Variants in CIITA observed in about 807,000 individuals in gnomAD.
The protein encoded by CIITA is class II major histocompatibility complex transactivator, also known as MHC class II transactivator.
Under a neutral mutation model 115.1 loss-of-function variants are expected in CIITA, and 72 were observed. The observed-to-expected ratio is 0.63, with a 90% CI of 0.52 to 0.76. The LOEUF (loss-of-function observed/expected upper bound fraction) is 0.76. Among genes scored for constraint, CIITA ranks in the 30% least tolerant of loss-of-function variants. CIITA has a pLI of 0.00. For synonymous variants in CIITA, 763 were observed against 635.6 expected (o/e 1.20, Z -3.02); for missense variants, 1,617 against 1,463.8 (o/e 1.10, Z -1.71).
chr16:10,874,848 C>A (rs2035721449), upstream of CIITA, among the ~76,000 whole-genome samples: 3 of 152,216 alleles, frequency 2.0e-5, no homozygotes, highest in Admixed American at 2.0e-4. Flanking sequence ...GACATCAGAA[C>A]CAGCTGTCTC....
chr16:10,940,488 C>T (rs754532970), downstream of CIITA: 1 of 152,258 alleles, frequency 6.6e-6, no homozygotes, highest in African/African-American at 2.4e-5. The surrounding 1 kb of genome is among the most constrained non-coding windows in gnomAD (Gnocchi z 4.2). Context: ...AGCCCTTGCC[C>T]ACCATATCTC....
intron 12 of CIITA, among the ~76,000 whole-genome samples, chr16:10,909,664 A>T (rs1302632787): frequency 1.3e-5 from 2 of 152,230 alleles, no homozygotes; most frequent in African/African-American, 4.8e-5. Flanking sequence ...GCTGTCTGGG[A>T]TAGGTACTGG....
Position 10,898,683 on chromosome 16 carries a change from G to A in CIITA, c.309G>A (p.Gln103=). The change falls in exon 4 of 20, where the codon CAG becomes CAA. Residue 103 remains glutamine (Q), a synonymous_variant. Coordinates refer to ENST00000324288, the MANE Select transcript of CIITA (RefSeq NM_000246.4). ...TTGTCTGGGCAGCGGAACTGGACCA[G>A]TATGTCTTCCAGGACTCCCAGCTGG... The part of the protein sequence containing the change: ...EAYANIAELD[Q]YVFQDSQLEG... The A allele has an allele frequency of 6.2e-7, 1 of 1,610,998 alleles. No individual in the cohort carries two copies. The highest frequency in any genetic ancestry group is 8.5e-7 in the Non-Finnish European group (1 of 1,178,832).
intron 1 of CIITA, chr16:10,866,377 C>G (rs1402424306): frequency 1.8e-6 from 1 of 567,590 alleles, no homozygotes; most frequent in Non-Finnish European, 3.5e-6. Flanking sequence ...CTTGGACAAC[C>G]TGCTGAAGGA....
intron 3 of CIITA, among the ~76,000 whole-genome samples, chr16:10,897,020 T>A (rs528893489): frequency 1.5e-4 from 23 of 152,208 alleles, no homozygotes; most frequent in South Asian, 6.2e-4. Flanking sequence ...GATTTGGGCA[T>A]GTCATAGGAT....
At chr16:10,870,660 G>T (rs370521931) in intron 1 of CIITA, among the ~76,000 whole-genome samples, 1 of 152,172 alleles carries the variant, frequency 6.6e-6, no homozygotes, top group Non-Finnish European at 1.5e-5. Context: ...TGCTCCTTAC[G>T]TACCATGTGA....
chr16:10,932,434 C>T lies in CIITA; in HGVS notation c.*8579C>T, dbSNP rs983309485. 3 of 152,124 alleles carry T rather than the reference C, an allele frequency of 2.0e-5. No homozygotes were observed. The highest frequency in any genetic ancestry group is 2.9e-5 in the Non-Finnish European group (2 of 68,036). 9.4% of individuals were successfully genotyped at this position (152,124 alleles called of 1,614,324 possible). ...TGGAGCTCAGAGAGGTTAAGCAAGC[C>T]GTGCAAGGCCACACAGCTCATAAAT... On this transcript the variant is annotated 3_prime_UTR_variant, in exon 20 of 20. Transcript: ENST00000324288.
chr16:10,881,043 G>A (rs58431193), intron 1 of CIITA, among the ~76,000 whole-genome samples: 35,229 of 152,140 alleles, frequency 0.23, 4,576 homozygotes, highest in East Asian at 0.57. Context: ...GGAGGCCGAG[G>A]CGGGTGGATT....
chr16:10,910,095 A>C, intron 12 of CIITA, 93 bp from the exon 13 acceptor site: 2 of 1,023,942 alleles, frequency 2.0e-6, no homozygotes, highest in Non-Finnish European at 3.0e-6. Context: ...CCCCTGGGGA[A>C]TTTGGGGCAC....
At chr16:10,905,783 G>A (rs927842389) in intron 10 of CIITA, among the ~76,000 whole-genome samples, 1 of 151,704 alleles carries the variant, frequency 6.6e-6, no homozygotes, top group Admixed American at 6.6e-5. Flanking sequence ...GAGAGAAAAG[G>A]TCTAAAAGGA....
chr16:10,889,292 T>A (rs1414319727), intron 1 of CIITA, among the ~76,000 whole-genome samples: 3 of 152,114 alleles, frequency 2.0e-5, no homozygotes, highest in Non-Finnish European at 4.4e-5. Context: ...GAAACTTGGC[T>A]CTGGGGATAG....
intron 13 of CIITA, among the ~76,000 whole-genome samples, chr16:10,913,055 C>A (rs1251316105): frequency 6.6e-6 from 1 of 152,214 alleles, no homozygotes; most frequent in Non-Finnish European, 1.5e-5. Flanking sequence ...CTCCTACACT[C>A]GCTGGGTGCT....
rs2038022823 is a variant in CIITA, at chr16:10,895,405, A to T, written c.176A>T (p.Glu59Val). The change falls in exon 2 of 20, where the codon GAA becomes GTA. Residue 59 changes from glutamate to valine, a missense_variant. Physicochemically the swap from Glu to Val is moderately radical, Grantham distance 121. Coordinates refer to ENST00000324288, the MANE Select transcript of CIITA (RefSeq NM_000246.4). Reference sequence around the variant, plus strand: ...TATGACCAGATGGACCTGGCTGGAGAAGAAGAGATTGAGCTCTACTCAGGT... The same window carrying T: ...TATGACCAGATGGACCTGGCTGGAGTAGAAGAGATTGAGCTCTACTCAGGT... ...HFYDQMDLAG[E>V]EEIELYSEPD... The T allele has an allele frequency of 1.2e-6, 2 of 1,613,882 alleles. No individual in the cohort carries two copies. The highest frequency in any genetic ancestry group is 1.7e-6 in the Non-Finnish European group (2 of 1,180,000).
intron 1 of CIITA, 78 bp from the exon 2 acceptor site, chr16:10,895,204 T>G: frequency 6.4e-7 from 1 of 1,553,392 alleles, no homozygotes; most frequent in South Asian, 1.1e-5. Flanking sequence ...CCTCACCAGC[T>G]GGGAGTTGTT....
chr16:10,918,360 A>G, intron 15 of CIITA, 80 bp from the exon 16 acceptor site: 1 of 1,244,856 alleles, frequency 8.0e-7, no homozygotes, highest in Non-Finnish European at 1.2e-6. Context: ...TTCACAGCCT[A>G]TGACCCAGAA....
Position 10,928,827 on chromosome 16 carries a change from A to T in CIITA, c.*4972A>T, listed in dbSNP as rs924556039. Reference sequence around the variant, plus strand: ...GGATCTTCTGCTGTTTGTCAGCCACAAGGTTCTGCCTAGAACTCCTTTCCC... The same window carrying T: ...GGATCTTCTGCTGTTTGTCAGCCACTAGGTTCTGCCTAGAACTCCTTTCCC... On this transcript the variant is annotated 3_prime_UTR_variant, in exon 20 of 20. Coordinates refer to ENST00000324288, the MANE Select transcript of CIITA (RefSeq NM_000246.4). 1 of 152,412 alleles carries T rather than the reference A, an allele frequency of 6.6e-6. No homozygotes were observed. The highest frequency in any genetic ancestry group is 2.1e-4 in the South Asian group (1 of 4,826). 9.4% of individuals were successfully genotyped at this position (152,412 alleles called of 1,614,324 possible).
chr16:10,875,048 A>T (rs1219651073), upstream of CIITA, among the ~76,000 whole-genome samples: 1 of 151,888 alleles, frequency 6.6e-6, no homozygotes, highest in African/African-American at 2.4e-5. Context: ...AGCTCACTGC[A>T]ACCTCCACCT....
rs1390379299 is a variant in CIITA at position 10,925,230 on chromosome 16, T to TC, written c.*1378dup. ...AGTATGGTGGCTGGGTTGGAGGGTGTCCCAAAAAGAAAGGAGGGGATAGAG... is the reference window on the plus strand; with the variant it reads ...AGTATGGTGGCTGGGTTGGAGGGTGTCCCCAAAAAGAAAGGAGGGGATAGAG... On this transcript the variant is annotated 3_prime_UTR_variant, in exon 20 of 20. Transcript: ENST00000324288. The TC allele has an allele frequency of 6.6e-6, 1 of 152,184 alleles. No individual in the cohort carries two copies. 9.4% of individuals were successfully genotyped at this position (152,184 alleles called of 1,614,324 possible).
intron 1 of CIITA, among the ~76,000 whole-genome samples, chr16:10,893,804 TAAAAAAAAAAAAAAAA>T (rs71136603): frequency 2.8e-4 from 9 of 32,172 alleles, no homozygotes; most frequent in Admixed American, 2.5e-3. Flanking sequence ...GACTCCGTCT[TAAAAAAAAAAAAAAAA>T]AAAAAAAAAA....
Sources: gnomAD v4.1 joint callset for allele counts (sites outside exome capture counted in the v4.1 genomes callset) on GRCh38, gnomAD v4.1.1 for gene constraint, Gnocchi (gnomAD v3.1) non-coding constraint, MANE v1.5 for transcripts, NCBI Gene and HGNC (gene_info 2026-07-23, HGNC 2026-07-21) for gene names.